PAK1: variants seen among roughly 807,000 people sequenced by gnomAD.
PAK1 encodes p21 (RAC1) activated kinase 1.
A neutral mutation model predicts 67.4 loss-of-function variants in PAK1; 29 were observed. That is an observed-to-expected ratio of 0.43 (90% CI 0.32 to 0.59). PAK1 has a LOEUF of 0.59. Among genes scored for constraint, PAK1 ranks in the 20% least tolerant of loss-of-function variants. The probability of loss-of-function intolerance (pLI) is 0.07; values close to 1 mark genes in which losing one functional copy is unlikely to be tolerated. For synonymous variants in PAK1, 223 were observed against 237.4 expected (o/e 0.94, Z 0.56); for missense variants, 337 against 670.7 (o/e 0.50, Z 5.50).
intron 1 of PAK1, among the ~76,000 whole-genome samples, chr11:77,470,662 A>C (rs956605974): frequency 1.3e-5 from 2 of 152,234 alleles, no homozygotes; most frequent in Non-Finnish European, 2.9e-5. Context: ...GGAGTCAAAC[A>C]GGCCCTATAT....
chr11:77,393,225 CTATA>C (rs1459470936), intron 1 of PAK1, among the ~76,000 whole-genome samples: 1 of 150,528 alleles, frequency 6.6e-6, no homozygotes, highest in East Asian at 1.9e-4. Flanking sequence ...ACCCCTGAGA[CTATA>C]TAATCTCTCC....
intron 8 of PAK1, 27 bp from the exon 9 acceptor site, chr11:77,349,314 G>A: frequency 6.3e-7 from 1 of 1,574,918 alleles, no homozygotes; most frequent in Non-Finnish European, 8.7e-7. Flanking sequence ...CGGAGAAAGA[G>A]GGAAAAAAAC....
intron 5 of PAK1, among the ~76,000 whole-genome samples, chr11:77,372,602 C>T (rs2853090): frequency 0.24 from 37,054 of 152,044 alleles, 5,590 homozygotes; most frequent in South Asian, 0.45. Flanking sequence ...CTTAACCACT[C>T]TTCTGCTTAA....
chr11:77,497,286 G>T, the PAK1 span, among the ~76,000 whole-genome samples: 7 of 152,328 alleles, frequency 4.6e-5, no homozygotes, highest in African/African-American at 9.6e-5. Context: ...GCCCTCAAAA[G>T]GTTGACCAAT....
At chr11:77,335,178 C>T (rs1019988203) in intron 13 of PAK1, among the ~76,000 whole-genome samples, 10 of 152,190 alleles carry the variant, frequency 6.6e-5, no homozygotes, top group African/African-American at 2.2e-4. Flanking sequence ...GAGCTCAGTA[C>T]TCAAATCTCT....
At chr11:77,353,283 G>GTGGTTTTTAGTTTTCATTTTTCAAACAT (rs1945531577) in intron 8 of PAK1, 1 of 394,896 alleles carries the variant, frequency 2.5e-6, no homozygotes, top group African/African-American at 2.1e-5. Context: ...TTTGTGCTAA[G>GTGGTTTTTAGTTTTCATTTTTCAAACAT]AAAAAAAACC....
intron 9 of PAK1, among the ~76,000 whole-genome samples, chr11:77,344,167 C>A (rs565165215): frequency 6.6e-6 from 1 of 152,322 alleles, no homozygotes; most frequent in Admixed American, 6.5e-5. Flanking sequence ...CACCCCAAAT[C>A]TACTAAATCA....
Position 77,473,897 on chromosome 11 carries a change from A to C in PAK1, c.-367T>G, listed in dbSNP as rs1565729441. ...CACGAAAGCGCGGGGCTCCGTGGAAAAGGGAATGAGAGTCCAAGGGGGAAG... is the reference window on the plus strand; with the variant it reads ...CACGAAAGCGCGGGGCTCCGTGGAACAGGGAATGAGAGTCCAAGGGGGAAG... On this transcript the variant is annotated 5_prime_UTR_variant, in exon 1 of 15. Coordinates refer to ENST00000356341, the MANE Select transcript of PAK1 (RefSeq NM_002576.5). 6.6e-6 allele frequency: 1 copy of C among 151,306 alleles called. No individual in the cohort carries two copies. Among genetic ancestry groups the C allele is most frequent in the Non-Finnish European group, 1.5e-5 (1 of 68,174 alleles). The allele number at this position is 151,306 out of a possible 1,614,324, so 9.4% of individuals were successfully genotyped here.
intron 1 of PAK1, among the ~76,000 whole-genome samples, chr11:77,463,134 G>T (rs1171237462): frequency 1.3e-5 from 2 of 152,186 alleles, no homozygotes; most frequent in East Asian, 3.9e-4. Flanking sequence ...ATGCCACAGA[G>T]TATCAAGTAA....
the PAK1 span, among the ~76,000 whole-genome samples, chr11:77,482,329 T>C: frequency 6.6e-6 from 1 of 152,178 alleles, no homozygotes; most frequent in South Asian, 2.1e-4. Context: ...TTCTGTTGGA[T>C]TGATAACGTT....
At chr11:77,504,608 T>C in the PAK1 span, among the ~76,000 whole-genome samples, 1 of 152,248 alleles carries the variant, frequency 6.6e-6, no homozygotes, top group Non-Finnish European at 1.5e-5. Context: ...CATATACTTG[T>C]GTGAGAATGA....
At chr11:77,523,362 T>C in the PAK1 span, among the ~76,000 whole-genome samples, 2 of 151,998 alleles carry the variant, frequency 1.3e-5, no homozygotes, top group Non-Finnish European at 2.9e-5. Context: ...GGCTAAGAGT[T>C]GTTAATTATT....
intron 1 of PAK1, among the ~76,000 whole-genome samples, chr11:77,431,767 G>A (rs1210388925): frequency 6.6e-6 from 1 of 152,206 alleles, no homozygotes; most frequent in Non-Finnish European, 1.5e-5. Flanking sequence ...GTCATAACTA[G>A]AAGGGGTCTT....
chr11:77,470,274 CTTGT>C lies in PAK1; in HGVS notation c.-22+3274_-22+3277del, dbSNP rs376663718. On this transcript the variant is annotated intron_variant, in intron 1 of 14. Transcript: ENST00000356341. ...TAAAAGTCTGCCTGTCAAAATGATGCTTGTTTGACAAATTATTCCTAAACTGAGG... is the reference window on the plus strand; with the variant it reads ...TAAAAGTCTGCCTGTCAAAATGATGCTTGACAAATTATTCCTAAACTGAGG... Among the ~76,000 whole-genome samples the C allele has an allele frequency of 8.0e-4, 122 of 152,294 alleles. 1 individual carries two copies. In the East Asian group the frequency reaches 0.022, roughly 27 times the overall value.
In PAK1 at chr11:77,322,085, C is replaced by T. The variant is rs1305416102; in HGVS notation, c.*1189G>A. On this transcript the variant is annotated 3_prime_UTR_variant, in exon 15 of 15. Transcript: ENST00000356341. ...CTGCAGAGGCAGTAGTACCTCAGAG[C>T]ATGAGAAGGTAGTCAATGGGGCTGA... The T allele has an allele frequency of 2.7e-5, 6 of 218,604 alleles. No homozygotes were observed. Among genetic ancestry groups the T allele is most frequent in the Non-Finnish European group, 5.5e-5 (6 of 108,524 alleles). 13.5% of individuals were successfully genotyped at this position (218,604 alleles called of 1,614,324 possible). A position where few individuals can be genotyped will look rare whatever the true frequency, so the allele number is the denominator to read the frequency against.
chr11:77,451,043 ATTTAT>A (rs752343042), intron 1 of PAK1, among the ~76,000 whole-genome samples: 4 of 152,216 alleles, frequency 2.6e-5, no homozygotes, highest in Non-Finnish European at 4.4e-5. Context: ...GTTCTGATGT[ATTTAT>A]TTTAAGACTT....
At chr11:77,386,981 C>T (rs960321966) in intron 2 of PAK1, among the ~76,000 whole-genome samples, 1 of 151,932 alleles carries the variant, frequency 6.6e-6, no homozygotes, top group Non-Finnish European at 1.5e-5. Flanking sequence ...ACCATGTTGG[C>T]CAGGCTAGTC....
intron 1 of PAK1, among the ~76,000 whole-genome samples, chr11:77,404,980 T>C (rs544121482): frequency 1.3e-4 from 20 of 152,204 alleles, no homozygotes; most frequent in South Asian, 8.3e-4. Context: ...TGTGTGAATA[T>C]GAGGGGGAGG....
chr11:77,375,201 T>C (rs1412395687), intron 4 of PAK1, among the ~76,000 whole-genome samples: 2 of 152,206 alleles, frequency 1.3e-5, no homozygotes, highest in African/African-American at 4.8e-5. Context: ...TCATTCTAAA[T>C]ACTACGCTAG....
Sources: allele counts gnomAD v4.1 joint callset (sites outside exome capture counted in the v4.1 genomes callset), GRCh38; gene constraint gnomAD v4.1.1; transcripts MANE v1.5; gene names NCBI Gene and HGNC (gene_info 2026-07-23, HGNC 2026-07-21).